ZNF236: variants seen among roughly 807,000 people sequenced by gnomAD.
The protein encoded by ZNF236 is regulated by glucose.
A neutral mutation model predicts 191.2 loss-of-function variants in ZNF236; 50 were observed. The ratio of observed to expected loss-of-function variants is 0.26; its 90% CI spans 0.21 to 0.33. The LOEUF is 0.33. Among genes scored for constraint, ZNF236 ranks in the 10% least tolerant of loss-of-function variants. The probability of loss-of-function intolerance (pLI) is 1.00; values close to 1 mark genes in which losing one functional copy is unlikely to be tolerated. For missense variants in ZNF236, 1,754 were observed against 2,374.5 expected (o/e 0.74, Z 5.43); for synonymous variants, 907 against 928.8 (o/e 0.98, Z 0.43).
intron 19 of ZNF236, among the ~76,000 whole-genome samples, chr18:76,917,990 A>C (rs1200660043): frequency 2.0e-5 from 3 of 151,148 alleles, no homozygotes; most frequent in Admixed American, 6.6e-5. Context: ...ATCCCCTCCC[A>C]TCTCTCATCT....
intron 1 of ZNF236, chr18:76,824,030 A>C (rs552108981): frequency 5.5e-6 from 2 of 363,770 alleles, no homozygotes; most frequent in Middle Eastern, 8.3e-4. Context: ...TTATACCTTG[A>C]CTGCCGTTGA....
chr18:76,916,232 C>T (rs1293940734), intron 19 of ZNF236, among the ~76,000 whole-genome samples: 1 of 152,170 alleles, frequency 6.6e-6, no homozygotes, highest in Non-Finnish European at 1.5e-5. Flanking sequence ...AAGTTTATTA[C>T]AGGCATATTT....
rs758856902 is a variant in ZNF236, at chr18:76,927,471, A to T, written c.4368A>T (p.Ile1456=). ...CAGTGACCTCTGCGAACCTGACCAT[A>T]GGCCCGCTGTCTGAGCAGGATTCAG... ...QPTVTSANLT[I]GPLSEQDSVL... The change falls in exon 24 of 31, where the codon ATA becomes ATT. Residue 1456 remains isoleucine, a synonymous_variant. Transcript: ENST00000320610. The surrounding 1 kb of genome is among the most constrained non-coding windows in gnomAD (Gnocchi z 5.4). 12 of 1,614,140 alleles carry T rather than the reference A, an allele frequency of 7.4e-6. 1 individual carries two copies. The highest frequency in any genetic ancestry group is 1.6e-4 in the Middle Eastern group (1 of 6,062).
chr18:76,908,631 C>T (rs1967125404), intron 14 of ZNF236, 58 bp downstream of exon 14: 6 of 1,549,328 alleles, frequency 3.9e-6, no homozygotes, highest in Admixed American at 3.5e-5. Context: ...GCAGCCTTTC[C>T]CACTCATTGC....
chr18:76,954,681 T>C (rs969309549), intron 27 of ZNF236, among the ~76,000 whole-genome samples: 3 of 152,194 alleles, frequency 2.0e-5, no homozygotes. Flanking sequence ...AGGTGTCCTA[T>C]TGTAGAATAA....
At chr18:76,953,957 A>G (rs911004095) in intron 27 of ZNF236, among the ~76,000 whole-genome samples, 1 of 152,154 alleles carries the variant, frequency 6.6e-6, no homozygotes, top group Non-Finnish European at 1.5e-5. Flanking sequence ...TCCCACCCCC[A>G]TGCAGAATAA....
intron 17 of ZNF236, 90 bp from the exon 18 acceptor site, chr18:76,913,657 G>A (rs1967278384): frequency 7.1e-7 from 1 of 1,400,234 alleles, no homozygotes; most frequent in Middle Eastern, 2.2e-4. Context: ...TGTTGGTGAA[G>A]CTTGTTTGCT....
intron 30 of ZNF236, among the ~76,000 whole-genome samples, chr18:76,966,333 TCACACACACA>T (rs372462259): frequency 6.8e-6 from 1 of 148,108 alleles, no homozygotes; most frequent in African/African-American, 2.5e-5. Context: ...CTGCCCCCCT[TCACACACACA>T]CACACACACA....
At chr18:76,939,389 GTGTGCTTTCCTAGATGCA>G (rs1968075670) in intron 26 of ZNF236, among the ~76,000 whole-genome samples, 2 of 152,106 alleles carry the variant, frequency 1.3e-5, no homozygotes, top group Admixed American at 6.5e-5. Context: ...AATGACTGGG[GTGTGCTTTCCTAGATGCA>G]AGAAGCATGA....
intron 1 of ZNF236, among the ~76,000 whole-genome samples, chr18:76,839,000 C>T (rs75933982): frequency 0.016 from 2,422 of 152,286 alleles, 31 homozygotes; most frequent in Non-Finnish European, 0.019. Flanking sequence ...TGTTTTCTTA[C>T]GTCTGGCTTC....
intron 22 of ZNF236, among the ~76,000 whole-genome samples, chr18:76,926,548 T>C (rs1967683021): frequency 6.6e-6 from 1 of 152,054 alleles, no homozygotes; most frequent in African/African-American, 2.4e-5. Context: ...AGACTGTGTG[T>C]GTATATATGG....
chr18:76,840,780 TG>T (rs1568189206), intron 1 of ZNF236: 3 of 84,720 alleles, frequency 3.5e-5, no homozygotes, highest in African/African-American at 1.3e-4. Context: ...ATAACCTGTG[TG>T]TGTGTGTGTG....
intron 30 of ZNF236, among the ~76,000 whole-genome samples, chr18:76,965,361 C>T (rs1968746489): frequency 6.6e-6 from 1 of 152,174 alleles, no homozygotes; most frequent in South Asian, 2.1e-4. Context: ...AGCTTAATAA[C>T]TAACTTCCTG....
chr18:76,885,801 G>A (rs1977032659), intron 9 of ZNF236: 1 of 152,270 alleles, frequency 6.6e-6, no homozygotes. Flanking sequence ...CTCCAGGCAA[G>A]TAATCATGCA....
chr18:76,917,474 C>A (rs1967400472), intron 19 of ZNF236, among the ~76,000 whole-genome samples: 1 of 152,142 alleles, frequency 6.6e-6, no homozygotes, highest in African/African-American at 2.4e-5. Flanking sequence ...TTAGATTCAC[C>A]TTGTATGCCT....
intron 25 of ZNF236, among the ~76,000 whole-genome samples, chr18:76,933,478 A>G (rs558232093): frequency 4.1e-4 from 63 of 152,168 alleles, no homozygotes; most frequent in African/African-American, 1.1e-3. Context: ...AGAAAAAAAA[A>G]AAGAGTCAGC....
At chr18:76,923,447 A>G (rs1967593577) in intron 21 of ZNF236, among the ~76,000 whole-genome samples, 1 of 152,250 alleles carries the variant, frequency 6.6e-6, no homozygotes, top group South Asian at 2.1e-4. Context: ...AACTTTGTTA[A>G]AAAGATTACC....
In ZNF236 at chr18:76,972,442, C is replaced by A. The variant is rs1968920383; in HGVS notation, c.*4103C>A. Among the ~76,000 whole-genome samples, 1 of 152,014 alleles carries A rather than the reference C, an allele frequency of 6.6e-6. No individual in the cohort carries two copies. Among genetic ancestry groups the A allele is most frequent in the South Asian group, 2.1e-4 (1 of 4,820 alleles). Reference sequence around the variant, plus strand: ...TCACCCTCACCCTCACACACTCACCCACACACTCACCCTCACACTCACCCA... The same window carrying A: ...TCACCCTCACCCTCACACACTCACCAACACACTCACCCTCACACTCACCCA... On this transcript the variant is annotated 3_prime_UTR_variant, in exon 31 of 31. Coordinates refer to ENST00000320610, the MANE Select transcript of ZNF236 (RefSeq NM_001306089.2).
intron 10 of ZNF236, among the ~76,000 whole-genome samples, chr18:76,898,754 C>G (rs1396961154): frequency 6.6e-6 from 1 of 152,110 alleles, no homozygotes; most frequent in East Asian, 1.9e-4. Flanking sequence ...AACTACTGTC[C>G]ATATTTTACA....
Sources: allele counts gnomAD v4.1 joint callset (sites outside exome capture counted in the v4.1 genomes callset), GRCh38; gene constraint gnomAD v4.1.1; non-coding constraint Gnocchi (gnomAD v3.1); transcripts MANE v1.5; gene names NCBI Gene and HGNC (gene_info 2026-07-23, HGNC 2026-07-21).